CKAP2L: variants seen among roughly 807,000 people sequenced by gnomAD.
The protein encoded by CKAP2L is cytoskeleton associated protein 2L, also known as cytoskeleton-associated protein 2-like.
A neutral mutation model predicts 65.7 loss-of-function variants in CKAP2L; 42 were observed. The observed-to-expected ratio is 0.64, with a 90% CI of 0.50 to 0.83. CKAP2L has a LOEUF of 0.83. Among genes scored for constraint, CKAP2L ranks in the 40% least tolerant of loss-of-function variants. The pLI, the probability that CKAP2L is intolerant of heterozygous loss-of-function variation, is 0.00. For missense variants in CKAP2L, 908 were observed against 871.0 expected, an observed-to-expected ratio of 1.04 and a Z score of -0.53; for synonymous variants, 325 against 313.5, an observed-to-expected ratio of 1.04 and a Z score of -0.39.
chr2:112,762,548 T>A lies in CKAP2L; in HGVS notation c.59A>T (p.Gln20Leu), dbSNP rs1680757037. The change falls in exon 2 of 9, where the codon CAG becomes CTG. Residue 20 changes from glutamine (Q) to leucine (L), a missense_variant. Physicochemically the swap from Gln to Leu is moderately radical, Grantham distance 113. Transcript: ENST00000302450. ...TTTTCCCTTGGCTGCAAGGTACTCC[T>A]GAAGCTTTCTCTGCCGCTCTTCTGC... ...AAVEERQRKL[Q>L]EYLAAKGKLK... 4 of 1,613,914 alleles carry A rather than the reference T, an allele frequency of 2.5e-6. No individual in the cohort carries two copies. In the Admixed American group the frequency reaches 5.0e-5, roughly 20 times the overall value.
chr2:112,748,947 A>G (rs1032638838), intron 5 of CKAP2L, among the ~76,000 whole-genome samples: 1 of 152,172 alleles, frequency 6.6e-6, no homozygotes, highest in Admixed American at 6.5e-5. Context: ...GCTTACATCT[A>G]TCACTTTATT....
Position 112,752,260 on chromosome 2 carries a change from C to T in CKAP2L, c.1602+7G>A, listed in dbSNP as rs1205456467. The T allele has an allele frequency of 6.2e-7, 1 of 1,606,094 alleles. No individual in the cohort carries two copies. Among genetic ancestry groups the T allele is most frequent in the Admixed American group, 1.7e-5 (1 of 59,496 alleles). ...CAAAGCTGGAGGAGCTTATCTTCTT[C>T]ACTTACCCCTTCGATGAGGTTCAGA... is the stretch of plus-strand genomic sequence containing the variant. On this transcript the variant is annotated splice_region_variant and intron_variant, in intron 5 of 8. Coordinates refer to ENST00000302450, the MANE Select transcript of CKAP2L (RefSeq NM_152515.5).
chr2:112,750,441 C>G (rs73955276), intron 5 of CKAP2L, among the ~76,000 whole-genome samples: 4,353 of 152,292 alleles, frequency 0.029, 195 homozygotes, highest in African/African-American at 0.1. Flanking sequence ...AGCTCCCTTG[C>G]CTCTGATCAG....
At chr2:112,741,488 GC>G (rs1477306083) in intron 7 of CKAP2L, among the ~76,000 whole-genome samples, 2 of 152,174 alleles carry the variant, frequency 1.3e-5, no homozygotes. Context: ...TTTCATGGTA[GC>G]CCAAACACAA....
chr2:112,747,568 A>G (rs1359634836), intron 5 of CKAP2L, among the ~76,000 whole-genome samples: 2 of 152,198 alleles, frequency 1.3e-5, no homozygotes, highest in African/African-American at 2.4e-5. Flanking sequence ...AGATAATTTG[A>G]AATGGATTCA....
At chr2:112,750,487 GAGCTC>G (rs1445461507) in intron 5 of CKAP2L, among the ~76,000 whole-genome samples, 1 of 152,174 alleles carries the variant, frequency 6.6e-6, no homozygotes, top group African/African-American at 2.4e-5. Flanking sequence ...ACTGTCTCCA[GAGCTC>G]CCCTGTGGGG....
intron 4 of CKAP2L, among the ~76,000 whole-genome samples, chr2:112,753,010 G>A (rs1680422799): frequency 6.6e-6 from 1 of 152,072 alleles, no homozygotes; most frequent in Non-Finnish European, 1.5e-5. Flanking sequence ...GCTGATCTCT[G>A]ATAGTGCCAA....
At chr2:112,755,205 C>T (rs1680493295) in intron 4 of CKAP2L, among the ~76,000 whole-genome samples, 1 of 152,202 alleles carries the variant, frequency 6.6e-6, no homozygotes, top group South Asian at 2.1e-4. Flanking sequence ...CATGAGACTA[C>T]ATTTGGTCCT....
intron 1 of CKAP2L, among the ~76,000 whole-genome samples, chr2:112,762,806 CA>C (rs1441571134): frequency 7.1e-6 from 1 of 141,174 alleles, no homozygotes; most frequent in Non-Finnish European, 1.5e-5. Flanking sequence ...TTTTTTGAGA[CA>C]GGGTCTTCCT....
At chr2:112,740,380 T>A (rs1027463824) in intron 8 of CKAP2L, among the ~76,000 whole-genome samples, 2 of 152,226 alleles carry the variant, frequency 1.3e-5, no homozygotes, top group African/African-American at 4.8e-5. Flanking sequence ...CATAGCTCCT[T>A]AAATTACTAT....
At chr2:112,758,444 G>A (rs1680608876) in intron 3 of CKAP2L, among the ~76,000 whole-genome samples, 2 of 152,208 alleles carry the variant, frequency 1.3e-5, no homozygotes, top group African/African-American at 4.8e-5. Context: ...TGGCGAGTAT[G>A]TAAAGGATTT....
intron 1 of CKAP2L, chr2:112,763,807 G>A (rs1002115604): frequency 6.6e-6 from 1 of 152,268 alleles, no homozygotes; most frequent in Non-Finnish European, 1.5e-5. Context: ...CTGACATAGG[G>A]GGTTGGAGTC....
intron 3 of CKAP2L, among the ~76,000 whole-genome samples, chr2:112,759,974 T>C (rs570077389): frequency 6.6e-6 from 1 of 152,262 alleles, no homozygotes; most frequent in South Asian, 2.1e-4. Context: ...CATTAAAACT[T>C]ATTAAAATTC....
In CKAP2L at chr2:112,752,327, TTG is replaced by T; in HGVS notation, c.1540_1541del (p.Gln514ThrfsTer6). On this transcript the variant is annotated frameshift_variant, in exon 5 of 9. Coordinates refer to ENST00000302450, the MANE Select transcript of CKAP2L (RefSeq NM_152515.5). LOFTEE classifies it high-confidence loss of function. Reference protein sequence around the residue: ...IEKEEEEKKAQLELSSKINNT... With the variant: ...IEKEEEEKKAXLELSSKINNT... The stretch of plus-strand genomic sequence containing the variant: ...TGTTAATTTTACTGGACAGTTCGAG[TTG>T]TGCTTTCTTTTCTTCCTCTTCTTTT... 6.2e-7 allele frequency: 1 copy of T among 1,613,906 alleles called. No homozygotes were observed. Among genetic ancestry groups the T allele is most frequent in the Non-Finnish European group, 8.5e-7 (1 of 1,179,888 alleles).
At position 112,757,086 on chromosome 2, in the gene CKAP2L, T is replaced by C. The variant is rs766826583; in HGVS notation, c.285A>G (p.Pro95=). ...TCAGCCTTTTGCCCAGAAGTTTTGG[T>C]GGCTCCAACTTCGGCTTCTGGGACC... is the stretch of plus-strand genomic sequence containing the variant. ...TAGSQKPKLE[P]PKLLGKRLTS... is the part of the protein sequence containing the mutation. The change falls in exon 4 of 9, where the codon CCA becomes CCG. Residue 95 remains proline (P), a synonymous_variant. Transcript: ENST00000302450. 6.1e-5 allele frequency: 99 copies of C among 1,614,100 alleles called. 1 individual carries two copies. The highest frequency in any genetic ancestry group is 7.1e-5 in the Non-Finnish European group (84 of 1,180,042).
At chr2:112,743,627 G>A (rs527334347) in intron 6 of CKAP2L, among the ~76,000 whole-genome samples, 5 of 151,990 alleles carry the variant, frequency 3.3e-5, no homozygotes, top group South Asian at 2.1e-4. Flanking sequence ...TAGTAGAGAC[G>A]GGGTTTCGCT....
At chr2:112,745,671 G>A (rs113269180) in intron 6 of CKAP2L, among the ~76,000 whole-genome samples, 1 of 152,106 alleles carries the variant, frequency 6.6e-6, no homozygotes, top group Non-Finnish European at 1.5e-5. Context: ...GTGAAACACC[G>A]TGCCCAGCCC....
intron 7 of CKAP2L, 150 bp from the exon 8 acceptor site, chr2:112,741,157 C>T (rs757904732): frequency 1.5e-5 from 10 of 646,824 alleles, no homozygotes; most frequent in Non-Finnish European, 2.7e-5. Context: ...TGAAGTGTGA[C>T]TTATAACTTG....
intron 6 of CKAP2L, 64 bp from the exon 7 acceptor site, chr2:112,742,833 A>C: frequency 9.2e-7 from 1 of 1,081,098 alleles, no homozygotes; most frequent in Non-Finnish European, 1.4e-6. Flanking sequence ...TTGCTAAGGA[A>C]CTTTAACTTC....
Sources: allele counts gnomAD v4.1 joint callset (sites outside exome capture counted in the v4.1 genomes callset), GRCh38; gene constraint gnomAD v4.1.1; transcripts MANE v1.5; gene names NCBI Gene and HGNC (gene_info 2026-07-23, HGNC 2026-07-21).